VPS13B: variants seen among roughly 807,000 people sequenced by gnomAD.
The protein encoded by VPS13B is intermembrane lipid transfer protein VPS13B.
In VPS13B, 285 loss-of-function variants were observed where a neutral mutation model predicts 426.4. That is an observed-to-expected ratio of 0.67 (90% CI 0.61 to 0.74). The LOEUF is 0.74. Ranked by LOEUF, VPS13B falls within the 30% of genes least tolerant of loss-of-function variation. VPS13B has a pLI of 0.00. For missense variants in VPS13B, 4,537 were observed against 4,782.6 expected (o/e 0.95, Z 1.51); for synonymous variants, 1,676 against 1,676.4 (o/e 1.00, Z 0.01).
At chr8:99,444,761 C>T (rs1588387288) in intron 23 of VPS13B, among the ~76,000 whole-genome samples, 3 of 152,012 alleles carry the variant, frequency 2.0e-5, no homozygotes, top group Admixed American at 1.3e-4. Context: ...CCTTGACCGC[C>T]GGAGCTCAAT....
At chr8:99,771,632 T>A (rs1263097776) in intron 40 of VPS13B, among the ~76,000 whole-genome samples, 1 of 152,188 alleles carries the variant, frequency 6.6e-6, no homozygotes, top group Admixed American at 6.6e-5. Flanking sequence ...AGTGGAGGAA[T>A]CAGAGAAAGC....
At chr8:99,161,316 A>G (rs73281693) in intron 15 of VPS13B, among the ~76,000 whole-genome samples, 2,539 of 152,274 alleles carry the variant, frequency 0.017, 65 homozygotes, top group African/African-American at 0.058. Flanking sequence ...ATATATGCAA[A>G]TATTGGTTAA....
At chr8:99,257,152 A>G (rs1021593310) in intron 17 of VPS13B, among the ~76,000 whole-genome samples, 7 of 152,190 alleles carry the variant, frequency 4.6e-5, no homozygotes, top group African/African-American at 1.7e-4. Flanking sequence ...ATGAAAATCT[A>G]GTGGGCAATT....
At chr8:99,322,604 A>C (rs566493852) in intron 19 of VPS13B, among the ~76,000 whole-genome samples, 16 of 152,328 alleles carry the variant, frequency 1.1e-4, no homozygotes, top group African/African-American at 3.6e-4. Context: ...TTGAATTGGG[A>C]GTTTAACATG....
chr8:99,772,634 A>G (rs1405585434), intron 40 of VPS13B, among the ~76,000 whole-genome samples: 2 of 152,194 alleles, frequency 1.3e-5, no homozygotes, highest in African/African-American at 4.8e-5. Context: ...TATATAAGTT[A>G]ATATATTATC....
intron 6 of VPS13B, among the ~76,000 whole-genome samples, chr8:99,113,342 A>G (rs547321866): frequency 6.6e-6 from 1 of 152,254 alleles, no homozygotes; most frequent in Non-Finnish European, 1.5e-5. Flanking sequence ...GCTTCAAGTA[A>G]TTCTCTTGTC....
chr8:99,053,172 G>A (rs1037797807), intron 3 of VPS13B, among the ~76,000 whole-genome samples: 3 of 150,882 alleles, frequency 2.0e-5, no homozygotes, highest in Admixed American at 2.0e-4. Flanking sequence ...TAAGTTTTAG[G>A]GTACATGTGC....
chr8:99,826,700 G>T (rs1299323755), intron 51 of VPS13B, among the ~76,000 whole-genome samples: 1 of 152,196 alleles, frequency 6.6e-6, no homozygotes, highest in East Asian at 1.9e-4. Flanking sequence ...GATATTGGCT[G>T]TGGGTTTCTC....
At chr8:99,773,078 A>G (rs991437324) in intron 40 of VPS13B, among the ~76,000 whole-genome samples, 4 of 152,138 alleles carry the variant, frequency 2.6e-5, no homozygotes, top group Admixed American at 1.3e-4. Flanking sequence ...TTTTTTCATC[A>G]TTTGTTTTTA....
chr8:99,869,798 A>G (rs571970310), intron 59 of VPS13B, among the ~76,000 whole-genome samples: 1 of 152,312 alleles, frequency 6.6e-6, no homozygotes, highest in South Asian at 2.1e-4. Flanking sequence ...TAAAACTTTT[A>G]TTACCGAACT....
rs775088828 is a variant in VPS13B at position 99,111,286 on chromosome 8, A to G, written c.762+7A>G. On this transcript the variant is annotated splice_region_variant and intron_variant, in intron 6 of 61. Transcript: ENST00000357162. ...GATGCCATCTGTTATTAAAGTAGGTATCTCTTTTTTTTGCAGTTAAGTTGC... is the reference window on the plus strand; with the variant it reads ...GATGCCATCTGTTATTAAAGTAGGTGTCTCTTTTTTTTGCAGTTAAGTTGC... 2 of 1,596,366 alleles carry G rather than the reference A, an allele frequency of 1.3e-6. No individual in the cohort carries two copies. The highest frequency in any genetic ancestry group is 2.3e-5 in the South Asian group (2 of 87,464).
At chr8:99,671,187 A>C (rs955594413) in intron 35 of VPS13B, among the ~76,000 whole-genome samples, 1 of 152,128 alleles carries the variant, frequency 6.6e-6, no homozygotes, top group African/African-American at 2.4e-5. Context: ...TCTAGCAGGA[A>C]TGATGTGGTC....
At chr8:99,275,998 T>G (rs554934029) in intron 19 of VPS13B, among the ~76,000 whole-genome samples, 1 of 152,266 alleles carries the variant, frequency 6.6e-6, no homozygotes, top group South Asian at 2.1e-4. Flanking sequence ...AACTGGCCAG[T>G]GAGTAGTTTC....
chr8:99,429,291 A>T (rs1282811399), intron 21 of VPS13B, among the ~76,000 whole-genome samples: 1 of 152,134 alleles, frequency 6.6e-6, no homozygotes, highest in Non-Finnish European at 1.5e-5. Flanking sequence ...AACCAAAAAA[A>T]AAAAAAAGAA....
intron 31 of VPS13B, among the ~76,000 whole-genome samples, chr8:99,575,228 G>A (rs1825721951): frequency 6.6e-6 from 1 of 151,942 alleles, no homozygotes; most frequent in South Asian, 2.1e-4. Flanking sequence ...AGACTAAAAG[G>A]ATATGCTTAT....
intron 19 of VPS13B, among the ~76,000 whole-genome samples, chr8:99,357,136 C>G (rs953019171): frequency 6.6e-6 from 1 of 152,162 alleles, no homozygotes; most frequent in African/African-American, 2.4e-5. Flanking sequence ...TTTTCCTTTT[C>G]TGCATCTGTA....
chr8:99,050,194 C>T (rs1319368152), intron 3 of VPS13B, among the ~76,000 whole-genome samples: 1 of 151,874 alleles, frequency 6.6e-6, no homozygotes, highest in Non-Finnish European at 1.5e-5. Flanking sequence ...CTCCCCCCAC[C>T]ACACAACAGG....
chr8:99,056,805 G>A (rs1843900830), intron 3 of VPS13B, among the ~76,000 whole-genome samples: 1 of 152,098 alleles, frequency 6.6e-6, no homozygotes, highest in African/African-American at 2.4e-5. Context: ...ACATGTAGAT[G>A]AATTTCACAG....
At chr8:99,650,887 G>A (rs1048344897) in intron 34 of VPS13B, among the ~76,000 whole-genome samples, 4 of 152,034 alleles carry the variant, frequency 2.6e-5, no homozygotes, top group African/African-American at 7.2e-5. Context: ...ATCTTTACAG[G>A]ACATGTACAG....
Sources: allele counts gnomAD v4.1 joint callset (sites outside exome capture counted in the v4.1 genomes callset), GRCh38; gene constraint gnomAD v4.1.1; transcripts MANE v1.5; gene names NCBI Gene and HGNC (gene_info 2026-07-23, HGNC 2026-07-21).